RDX: variants seen among roughly 807,000 people sequenced by gnomAD.
The protein encoded by RDX is radixin, also known as deafness, autosomal recessive 24.
RDX carries 32 observed loss-of-function variants against 83.7 expected under a neutral mutation model. The ratio of observed to expected loss-of-function variants is 0.38; its 90% confidence interval spans 0.29 to 0.51. The LOEUF is 0.51. RDX is among the 20% of genes least tolerant of loss of function. RDX has a pLI of 0.87. For synonymous variants in RDX, 229 were observed against 222.7 expected (o/e 1.03, Z -0.25); for missense variants, 600 against 689.9 (o/e 0.87, Z 1.46).
chr11:110,280,975 G>C (rs1052834674), intron 1 of RDX, among the ~76,000 whole-genome samples: 1 of 152,174 alleles, frequency 6.6e-6, no homozygotes, highest in Non-Finnish European at 1.5e-5. Context: ...GACCAGCCTG[G>C]CCAACATGGT....
chr11:110,222,396 T>C (rs1174996716), intron 14 of RDX, among the ~76,000 whole-genome samples: 1 of 152,246 alleles, frequency 6.6e-6, no homozygotes, highest in Non-Finnish European at 1.5e-5. Flanking sequence ...CATTAAACTA[T>C]ATCCAGAGGA....
chr11:110,180,162 A>G lies in RDX; in HGVS notation c.*32-4928T>C, dbSNP rs11821931. Among the ~76,000 whole-genome samples, 1,451 of 152,094 alleles carry G rather than the reference A, an allele frequency of 9.5e-3. 20 individuals are homozygous for G. Among genetic ancestry groups the G allele is most frequent in the African/African-American group, 0.032 (1,338 of 41,504 alleles). ...AGTGATCTACCTGCCTTGGCCTCCC[A>G]AAGTGCTGAGATTACAGGCATGAGC... On this transcript the variant is annotated intron_variant, in intron 15 of 15. Coordinates refer to the RDX transcript ENST00000528498.
At chr11:110,289,016 T>C (rs1861103975) in intron 1 of RDX, among the ~76,000 whole-genome samples, 1 of 152,078 alleles carries the variant, frequency 6.6e-6, no homozygotes, top group Non-Finnish European at 1.5e-5. Context: ...GGTGAGCGGA[T>C]CACCTGAGGT....
intron 10 of RDX, chr11:110,237,995 TA>T: frequency 3.9e-6 from 1 of 255,396 alleles, no homozygotes; most frequent in Non-Finnish European, 7.9e-6. Flanking sequence ...TCAAGTTATG[TA>T]AAAAGGCTAC....
chr11:110,176,204 C>T (rs1035310359), intron 15 of RDX, among the ~76,000 whole-genome samples: 2 of 151,726 alleles, frequency 1.3e-5, no homozygotes, highest in African/African-American at 2.4e-5. Flanking sequence ...GCTGGGACCA[C>T]AGGTGCGCAC....
chr11:110,238,301 T>G (rs1490951390), intron 10 of RDX, among the ~76,000 whole-genome samples: 2 of 152,236 alleles, frequency 1.3e-5, no homozygotes, highest in African/African-American at 4.8e-5. Context: ...AACATGAATT[T>G]TAATCCTTAG....
intron 9 of RDX, among the ~76,000 whole-genome samples, chr11:110,253,480 T>TAAA (rs1859416241): frequency 6.6e-6 from 1 of 152,114 alleles, no homozygotes; most frequent in Non-Finnish European, 1.5e-5. Context: ...GTTTCTTTTT[T>TAAA]AAGTCTAAGA....
At chr11:110,198,969 C>T (rs999658434) in intron 15 of RDX, among the ~76,000 whole-genome samples, 2 of 152,046 alleles carry the variant, frequency 1.3e-5, no homozygotes, top group Admixed American at 6.6e-5. Flanking sequence ...GCATGCACCA[C>T]CACTCCTAAT....
At chr11:110,266,584 T>A (rs890721058) in intron 3 of RDX, among the ~76,000 whole-genome samples, 3 of 151,710 alleles carry the variant, frequency 2.0e-5, no homozygotes, top group African/African-American at 4.8e-5. Flanking sequence ...TTTTTTTTTT[T>A]AAAGACAGGG....
intron 15 of RDX, among the ~76,000 whole-genome samples, chr11:110,183,997 T>C (rs182041850): frequency 2.6e-5 from 4 of 152,308 alleles, no homozygotes; most frequent in Admixed American, 1.3e-4. Context: ...CCCTGCTAGA[T>C]GTCAGTGCCA....
At position 110,254,076 on chromosome 11, in the gene RDX, T is replaced by A; in HGVS notation, c.829A>T (p.Asn277Tyr). ...FVFYAPRLRI[N>Y]KRILALCMGN... Reference sequence around the variant, plus strand: ...ATACATAAGGCCAAAATCCGCTTATTGATTCTCAGACGAGGTGCATAAAAC... The same window carrying A: ...ATACATAAGGCCAAAATCCGCTTATAGATTCTCAGACGAGGTGCATAAAAC... The change falls in exon 9 of 14, where the codon AAT becomes TAT. Residue 277 changes from asparagine (N) to tyrosine (Y), a missense_variant. Transcript: ENST00000645495. The A allele has an allele frequency of 6.2e-7, 1 of 1,613,752 alleles. No individual in the cohort carries two copies. The highest frequency in any genetic ancestry group is 8.5e-7 in the Non-Finnish European group (1 of 1,179,828).
chr11:110,193,205 T>C (rs1054084238), intron 15 of RDX, among the ~76,000 whole-genome samples: 1 of 152,218 alleles, frequency 6.6e-6, no homozygotes, highest in Admixed American at 6.5e-5. Context: ...AATGAGATCA[T>C]GTCCTTTACA....
rs73557608 is a variant in RDX at position 110,286,608 on chromosome 11, T to C, written c.-64-6852A>G. ...AGATTGCCTGATTTTACTTTTGAGA[T>C]ACTCTTTTCCCTAAGCCTAATTTTA... is the stretch of plus-strand genomic sequence containing the variant. On this transcript the variant is annotated intron_variant, in intron 1 of 13. Transcript: ENST00000645495. Among the ~76,000 whole-genome samples the C allele has an allele frequency of 1.9e-3, 297 of 152,368 alleles. 1 individual carries two copies. The highest frequency in any genetic ancestry group is 6.9e-3 in the African/African-American group (286 of 41,592).
intron 15 of RDX, among the ~76,000 whole-genome samples, chr11:110,189,129 C>T (rs1053759935): frequency 6.6e-6 from 1 of 150,398 alleles, no homozygotes; most frequent in Non-Finnish European, 1.5e-5. Context: ...TTAATGACAC[C>T]CATAGGTTCA....
rs146302934 is a variant in RDX, at chr11:110,196,925, G to A, written c.*31+2656C>T. Among the ~76,000 whole-genome samples the A allele has an allele frequency of 3.0e-3, 455 of 152,252 alleles. 1 individual carries two copies. Among genetic ancestry groups the A allele is most frequent in the Non-Finnish European group, 5.1e-3 (346 of 68,010 alleles). On this transcript the variant is annotated intron_variant, in intron 15 of 15. Coordinates refer to the RDX transcript ENST00000528498. The stretch of plus-strand genomic sequence containing the variant: ...TGGCTTATTTTATTTTTGAGACAGG[G>A]TCGCGCTCTGCCACCCAGGCTGGAG...
chr11:110,208,289 G>A (rs927440846), intron 14 of RDX, among the ~76,000 whole-genome samples: 13 of 152,164 alleles, frequency 8.5e-5, no homozygotes, highest in South Asian at 2.1e-4. Context: ...CGAATGTAGC[G>A]TTCTCCTCTG....
chr11:110,237,444 C>T (rs766493861), intron 11 of RDX, 48 bp downstream of exon 11: 1 of 1,589,548 alleles, frequency 6.3e-7, no homozygotes, highest in South Asian at 1.1e-5. Context: ...AGAGGGTTCA[C>T]TCTATGCTTT....
chr11:110,210,644 G>C lies in RDX; in HGVS notation c.1749-10966C>G, dbSNP rs1188018115. Among the ~76,000 whole-genome samples the C allele has an allele frequency of 1.0e-4, 15 of 150,616 alleles. 1 individual carries two copies. In the South Asian group the frequency reaches 3.2e-3, roughly 32 times the overall value. Reference sequence around the variant, plus strand: ...CATCAGACTAACAGCGGATCTCTCGGCAGAAACCCTACAAGCCAGAAGAGA... The same window carrying C: ...CATCAGACTAACAGCGGATCTCTCGCCAGAAACCCTACAAGCCAGAAGAGA... On this transcript the variant is annotated intron_variant, in intron 14 of 15. Transcript: ENST00000528498.
intron 15 of RDX, among the ~76,000 whole-genome samples, chr11:110,183,878 A>G (rs1032673480): frequency 6.6e-6 from 1 of 152,208 alleles, no homozygotes; most frequent in African/African-American, 2.4e-5. Context: ...GGCACCCTGG[A>G]CTACAGGGCT....
Sources: gnomAD v4.1 joint callset for allele counts (sites outside exome capture counted in the v4.1 genomes callset) on GRCh38, gnomAD v4.1.1 for gene constraint, MANE v1.5 for transcripts, NCBI Gene and HGNC (gene_info 2026-07-23, HGNC 2026-07-21) for gene names.